The following VOPP1 variants were observed in gnomAD, a reference collection of about 807,000 sequenced individuals.
VOPP1 encodes the protein WW domain binding protein VOPP1.
In VOPP1, 8 loss-of-function variants were observed where a neutral mutation model predicts 23.5. The ratio of observed to expected loss-of-function variants is 0.34; its 90% CI spans 0.20 to 0.61. VOPP1 has a LOEUF of 0.61. VOPP1 is among the 20% of genes least tolerant of loss of function. The pLI is 0.78. For missense variants in VOPP1, 174 were observed against 238.1 expected, an observed-to-expected ratio of 0.73 and a Z score of 1.77; for synonymous variants, 83 against 97.3, an observed-to-expected ratio of 0.85 and a Z score of 0.86.
At chr7:55,462,378 T>C (rs1791522695) in intron 4 of VOPP1, among the ~76,000 whole-genome samples, 1 of 152,220 alleles carries the variant, frequency 6.6e-6, no homozygotes, top group Non-Finnish European at 1.5e-5. Context: ...AAGCTTCCTG[T>C]ATCTGGATGT....
rs1797941849 is a variant in VOPP1 at position 55,560,248 on chromosome 7, A to G, written c.54+12023T>C. Reference sequence around the variant, plus strand: ...TTTTTTTCAACCTTGTGGCAAGCAAAGTAATGCCACCTCCTGCCCACAAAG... The same window carrying G: ...TTTTTTTCAACCTTGTGGCAAGCAAGGTAATGCCACCTCCTGCCCACAAAG... On this transcript the variant is annotated intron_variant, in intron 1 of 4. Transcript: ENST00000285279. Among the ~76,000 whole-genome samples the G allele has an allele frequency of 2.0e-5, 3 of 152,224 alleles. No individual in the cohort carries two copies. The South Asian group carries it at 6.2e-4, about 32-fold the overall frequency.
At chr7:55,518,945 A>G (rs1167211155) in intron 2 of VOPP1, among the ~76,000 whole-genome samples, 1 of 152,190 alleles carries the variant, frequency 6.6e-6, no homozygotes, top group African/African-American at 2.4e-5. Context: ...ACAGATGTGG[A>G]TTCGGGTGAG....
intron 1 of VOPP1, among the ~76,000 whole-genome samples, chr7:55,572,039 C>T (rs1396471319): frequency 6.6e-6 from 1 of 152,080 alleles, no homozygotes; most frequent in Non-Finnish European, 1.5e-5. Context: ...AGGGTGGGGG[C>T]GGGGTGCGAA....
intron 1 of VOPP1, among the ~76,000 whole-genome samples, chr7:55,554,540 C>T (rs1328892279): frequency 6.6e-6 from 1 of 152,204 alleles, no homozygotes. Context: ...CTGGGAGAGG[C>T]ACATTCTAGA....
chr7:55,462,360 G>GTATC (rs1554393714), intron 4 of VOPP1, among the ~76,000 whole-genome samples: 2 of 152,112 alleles, frequency 1.3e-5, no homozygotes, highest in Non-Finnish European at 2.9e-5. Flanking sequence ...ATCTATTTGG[G>GTATC]TATCTTTAAG....
At chr7:55,461,308 C>A (rs1791495380) in intron 4 of VOPP1, among the ~76,000 whole-genome samples, 1 of 151,912 alleles carries the variant, frequency 6.6e-6, no homozygotes, top group Non-Finnish European at 1.5e-5. Flanking sequence ...GTGATGGGTG[C>A]ATCAAAATCT....
At chr7:55,519,822 G>A (rs1795721965) in intron 2 of VOPP1, among the ~76,000 whole-genome samples, 1 of 152,176 alleles carries the variant, frequency 6.6e-6, no homozygotes, top group African/African-American at 2.4e-5. Flanking sequence ...CCTACACTGG[G>A]CTCCTCAAGA....
At chr7:55,556,641 C>CG (rs1231206674) in intron 1 of VOPP1, among the ~76,000 whole-genome samples, 3 of 150,900 alleles carry the variant, frequency 2.0e-5, no homozygotes, top group Non-Finnish European at 4.4e-5. Context: ...TTGGAACCCC[C>CG]CCCCAAAACA....
chr7:55,553,320 T>G (rs959756630), intron 1 of VOPP1, among the ~76,000 whole-genome samples: 26 of 152,180 alleles, frequency 1.7e-4, no homozygotes, highest in African/African-American at 5.8e-4. Context: ...ACTTTTGCAG[T>G]ACTTGGGAGG....
intron 1 of VOPP1, chr7:55,537,406 C>G: frequency 6.7e-7 from 1 of 1,501,298 alleles, no homozygotes; most frequent in South Asian, 1.2e-5. Flanking sequence ...CTGGAGGTAA[C>G]ACATAACTGC....
intron 4 of VOPP1, among the ~76,000 whole-genome samples, chr7:55,461,287 A>G (rs1000463575): frequency 6.6e-6 from 1 of 152,134 alleles, no homozygotes; most frequent in Non-Finnish European, 1.5e-5. Context: ...GGTGCAGTGT[A>G]TTCTGCTTGG....
chr7:55,559,193 G>C (rs1797904450), intron 1 of VOPP1, among the ~76,000 whole-genome samples: 1 of 152,132 alleles, frequency 6.6e-6, no homozygotes, highest in Non-Finnish European at 1.5e-5. Flanking sequence ...GATAAACAGG[G>C]TGGAGTTTAA....
At chr7:55,549,792 A>T (rs1182939238) in intron 1 of VOPP1, among the ~76,000 whole-genome samples, 1 of 152,184 alleles carries the variant, frequency 6.6e-6, no homozygotes, top group East Asian at 1.9e-4. Flanking sequence ...TTTCCATACA[A>T]GAGAGTATGC....
chr7:55,441,245 G>A (rs965373208), intron 4 of VOPP1, among the ~76,000 whole-genome samples: 1 of 152,170 alleles, frequency 6.6e-6, no homozygotes, highest in Non-Finnish European at 1.5e-5. Context: ...GAGGAGGGAA[G>A]GGGGAGGAAG....
chr7:55,543,925 T>C (rs964356218), intron 1 of VOPP1, among the ~76,000 whole-genome samples: 1 of 152,216 alleles, frequency 6.6e-6, no homozygotes, highest in African/African-American at 2.4e-5. Flanking sequence ...TGTAATCGTA[T>C]TTGTCAATTT....
intron 1 of VOPP1, among the ~76,000 whole-genome samples, chr7:55,538,993 G>A (rs1224801427): frequency 6.8e-6 from 1 of 146,670 alleles, no homozygotes; most frequent in Non-Finnish European, 1.5e-5. Flanking sequence ...GAAGGTATTG[G>A]GGAGGGAAAG....
At chr7:55,481,857 T>C (rs1052559088) in intron 4 of VOPP1, among the ~76,000 whole-genome samples, 6 of 152,204 alleles carry the variant, frequency 3.9e-5, no homozygotes, top group African/African-American at 1.4e-4. Context: ...GCACGAAGTT[T>C]GAAACAAAGC....
intron 4 of VOPP1, among the ~76,000 whole-genome samples, chr7:55,445,161 A>C (rs1223746401): frequency 6.6e-6 from 1 of 152,024 alleles, no homozygotes; most frequent in Non-Finnish European, 1.5e-5. Context: ...TATCTGCTTT[A>C]GCACGTGTGC....
At chr7:55,517,161 G>A (rs1413312611) in intron 2 of VOPP1, among the ~76,000 whole-genome samples, 4 of 150,722 alleles carry the variant, frequency 2.7e-5, no homozygotes, top group African/African-American at 9.8e-5. Flanking sequence ...GTTGCCCAGG[G>A]TGGTCTCGAA....
Sources: allele counts gnomAD v4.1 joint callset (sites outside exome capture counted in the v4.1 genomes callset), GRCh38; gene constraint gnomAD v4.1.1; transcripts MANE v1.5; gene names NCBI Gene and HGNC (gene_info 2026-07-23, HGNC 2026-07-21).